DLG2: variants seen among roughly 807,000 people sequenced by gnomAD.
DLG2 encodes disks large homolog 2.
Under a neutral mutation model 132.5 loss-of-function variants are expected in DLG2, and 45 were observed. The ratio of observed to expected loss-of-function variants is 0.34; its 90% CI spans 0.27 to 0.44. The LOEUF (loss-of-function observed/expected upper bound fraction) is 0.44, where lower values mean the gene tolerates loss of function less well. Among genes scored for constraint, DLG2 ranks in the 20% least tolerant of loss-of-function variants. The pLI, the probability that DLG2 is intolerant of heterozygous loss-of-function variation, is 1.00. For missense variants in DLG2, 1,045 were observed against 1,196.9 expected (o/e 0.87, Z 1.87); for synonymous variants, 424 against 419.6 (o/e 1.01, Z -0.13).
intron 6 of DLG2, among the ~76,000 whole-genome samples, chr11:85,079,811 T>A (rs955422088): frequency 3.9e-5 from 6 of 152,094 alleles, no homozygotes; most frequent in Non-Finnish European, 8.8e-5. Flanking sequence ...TTTGTACTTG[T>A]AGTAGAGATG....
chr11:84,728,961 T>A (rs563223143), intron 6 of DLG2, among the ~76,000 whole-genome samples: 1 of 152,088 alleles, frequency 6.6e-6, no homozygotes, highest in Admixed American at 6.6e-5. Flanking sequence ...TTTTATTGCA[T>A]CTATTTGATT....
chr11:85,103,283 T>C (rs990822922), intron 6 of DLG2, among the ~76,000 whole-genome samples: 4 of 151,916 alleles, frequency 2.6e-5, no homozygotes, highest in Non-Finnish European at 5.9e-5. Flanking sequence ...AAAAATGCAA[T>C]GGACCCAGAA....
At chr11:85,056,802 T>C (rs890858358) in intron 6 of DLG2, among the ~76,000 whole-genome samples, 6 of 151,918 alleles carry the variant, frequency 3.9e-5, no homozygotes, top group Non-Finnish European at 7.4e-5. Context: ...ATGAAAGCCA[T>C]AGGCATTTTT....
chr11:84,685,335 G>C (rs1468891030), intron 6 of DLG2, among the ~76,000 whole-genome samples: 1 of 152,172 alleles, frequency 6.6e-6, no homozygotes, highest in Non-Finnish European at 1.5e-5. Context: ...GAGTGAATAA[G>C]TGTTCTGCCT....
intron 14 of DLG2, among the ~76,000 whole-genome samples, chr11:83,936,385 C>A (rs1342339034): frequency 6.6e-6 from 1 of 152,226 alleles, no homozygotes; most frequent in African/African-American, 2.4e-5. Context: ...GCAGCCCCAA[C>A]TCTAACGCCC....
chr11:84,764,900 G>A (rs2068184974), intron 6 of DLG2, among the ~76,000 whole-genome samples: 1 of 152,010 alleles, frequency 6.6e-6, no homozygotes, highest in Admixed American at 6.6e-5. Context: ...AGTTCATGGA[G>A]GATGAATGTG....
intron 11 of DLG2, among the ~76,000 whole-genome samples, chr11:84,005,614 A>G (rs2094539331): frequency 6.6e-6 from 1 of 151,466 alleles, no homozygotes; most frequent in Non-Finnish European, 1.5e-5. Flanking sequence ...TAATATCCAG[A>G]ACATACAAAG....
At chr11:84,596,220 T>C (rs866223903) in intron 6 of DLG2, among the ~76,000 whole-genome samples, 3 of 119,364 alleles carry the variant, frequency 2.5e-5, no homozygotes, top group African/African-American at 6.9e-5. Context: ...CTCTCTCTCT[T>C]TCTCTTGACG....
chr11:85,383,025 T>C (rs1041635815), intron 3 of DLG2, among the ~76,000 whole-genome samples: 2 of 152,126 alleles, frequency 1.3e-5, no homozygotes, highest in South Asian at 4.1e-4. Context: ...AGAATCTGTA[T>C]GCAAATGTTC....
At chr11:84,975,031 G>A (rs1201154618) in intron 6 of DLG2, among the ~76,000 whole-genome samples, 1 of 152,020 alleles carries the variant, frequency 6.6e-6, no homozygotes, top group East Asian at 1.9e-4. Flanking sequence ...ATTTTTGCAG[G>A]TGTCATAGTA....
chr11:84,237,131 T>G (rs183538693), intron 8 of DLG2, among the ~76,000 whole-genome samples: 71 of 152,182 alleles, frequency 4.7e-4, no homozygotes, highest in African/African-American at 1.7e-3. Flanking sequence ...GGTTTCACTG[T>G]GTTGTCCACG....
chr11:84,974,251 A>C (rs2054551457), intron 6 of DLG2, among the ~76,000 whole-genome samples: 1 of 152,210 alleles, frequency 6.6e-6, no homozygotes, highest in Non-Finnish European at 1.5e-5. Context: ...TGTTTGCTTC[A>C]GTTGTTGATC....
intron 7 of DLG2, among the ~76,000 whole-genome samples, chr11:84,498,497 C>A (rs182380971): frequency 2.1e-3 from 321 of 152,154 alleles, no homozygotes; most frequent in Non-Finnish European, 3.5e-3. Context: ...AAGAAAACAG[C>A]CACAGATACA....
chr11:83,962,888 G>C lies in DLG2; in HGVS notation c.1337C>G (p.Thr446Ser), dbSNP rs140599607. The change falls in exon 14 of 28, where the codon ACC (threonine) becomes AGC (serine). Residue 446 changes from threonine (T) to serine (S), a missense_variant. Around this residue, in one of 4 missense-constraint regions of DLG2, gnomAD observed 261 missense variants for 256.1 expected, o/e 1.02. Transcript: ENST00000376104. ...TTAACTAACAGGCATATCTGACCTG[G>C]TGTAGTCGTCGTCAACAAGCATGTG... ...PKHMLVDDDY[T>S]RPPEPVYSTV... 6.2e-7 allele frequency: 1 copy of C among 1,612,666 alleles called. No individual in the cohort carries two copies. The highest frequency in any genetic ancestry group is 1.3e-5 in the African/African-American group (1 of 74,842).
At chr11:83,791,216 G>T (rs1333780624) in intron 17 of DLG2, 1 of 643,882 alleles carries the variant, frequency 1.6e-6, no homozygotes, top group Non-Finnish European at 2.8e-6. Context: ...ATCGGCCTCT[G>T]AGCTCTCACG....
At chr11:84,473,546 C>A (rs1156566154) in intron 7 of DLG2, among the ~76,000 whole-genome samples, 1 of 151,908 alleles carries the variant, frequency 6.6e-6, no homozygotes, top group Admixed American at 6.6e-5. Flanking sequence ...TGCCATCACT[C>A]TTACTTGGTA....
chr11:84,071,426 A>G (rs2096755181), intron 10 of DLG2, among the ~76,000 whole-genome samples: 1 of 151,942 alleles, frequency 6.6e-6, no homozygotes, highest in Non-Finnish European at 1.5e-5. Context: ...ATTTTTAAAG[A>G]TGGGGGTCTT....
intron 2 of DLG2, among the ~76,000 whole-genome samples, chr11:85,621,131 G>A (rs1245782173): frequency 6.6e-6 from 1 of 151,938 alleles, no homozygotes; most frequent in African/African-American, 2.4e-5. Context: ...TCTAAAAGTA[G>A]GTCAACAAAA....
chr11:84,299,743 T>C lies in DLG2; in HGVS notation c.520-48452A>G, dbSNP rs535997583. Among the ~76,000 whole-genome samples, 5 of 152,332 alleles carry C rather than the reference T, an allele frequency of 3.3e-5. No homozygotes were observed. In the South Asian group the frequency reaches 8.3e-4, roughly 25 times the overall value. ...AATTATGTTGGGTTGTTTTGTAAAC[T>C]CAAAAGAATCTCTTTCCTCAACGTA... On this transcript the variant is annotated intron_variant, in intron 7 of 27. Coordinates refer to ENST00000376104, the MANE Select transcript of DLG2 (RefSeq NM_001142699.3).
Sources: allele counts gnomAD v4.1 joint callset (sites outside exome capture counted in the v4.1 genomes callset), GRCh38; gene constraint gnomAD v4.1.1; regional missense constraint gnomAD v4.1.1; transcripts MANE v1.5; gene names NCBI Gene and HGNC (gene_info 2026-07-23, HGNC 2026-07-21).